The following DNAJC13 variants were observed in gnomAD, a reference collection of about 807,000 sequenced individuals.
The protein encoded by DNAJC13 is dnaJ homolog subfamily C member 13.
In DNAJC13, 75 loss-of-function variants were observed where a neutral mutation model predicts 290.5. That is an observed-to-expected ratio of 0.26 (90% CI 0.21 to 0.31). The LOEUF (loss-of-function observed/expected upper bound fraction) is 0.31. DNAJC13 is among the 10% of genes least tolerant of loss of function. The pLI is 1.00. For missense variants in DNAJC13, 2,260 were observed against 2,674.5 expected (o/e 0.85, Z 3.42); for synonymous variants, 862 against 892.0 (o/e 0.97, Z 0.60).
chr3:132,525,974 A>G (rs887217146), intron 52 of DNAJC13, among the ~76,000 whole-genome samples, 167 bp from the exon 53 acceptor site: 2 of 152,232 alleles, frequency 1.3e-5, no homozygotes, highest in Non-Finnish European at 2.9e-5. Context: ...CAGTTTTGAT[A>G]AATACCAGTT....
Position 132,484,794 on chromosome 3 carries a change from T to C in DNAJC13, c.3267+122T>C. The C allele has an allele frequency of 3.4e-6, 3 of 885,210 alleles. No homozygotes were observed. The South Asian group carries it at 4.5e-5, about 13-fold the overall frequency. 54.8% of individuals were successfully genotyped at this position (885,210 alleles called of 1,614,324 possible). Reference sequence around the variant, plus strand: ...TTTCAAAAAGCCTAAATAGGCCAGGTGTGGAGTCTCACACCTCCAATCCCA... The same window carrying C: ...TTTCAAAAAGCCTAAATAGGCCAGGCGTGGAGTCTCACACCTCCAATCCCA... On this transcript the variant is annotated intron_variant, in intron 29 of 55. Coordinates refer to ENST00000260818, the MANE Select transcript of DNAJC13 (RefSeq NM_015268.4).
chr3:132,520,785 T>C (rs1181066918), intron 48 of DNAJC13, among the ~76,000 whole-genome samples: 2 of 152,216 alleles, frequency 1.3e-5, no homozygotes, highest in African/African-American at 4.8e-5. Flanking sequence ...AAATAAGACA[T>C]TTGAAATTCA....
intron 51 of DNAJC13, among the ~76,000 whole-genome samples, chr3:132,524,777 C>T (rs901467823): frequency 1.3e-5 from 2 of 152,170 alleles, no homozygotes; most frequent in African/African-American, 4.8e-5. Context: ...TTTTTGGACA[C>T]ATTCCAATTT....
chr3:132,422,970 A>C (rs1343609687), intron 1 of DNAJC13, among the ~76,000 whole-genome samples: 1 of 152,214 alleles, frequency 6.6e-6, no homozygotes, highest in African/African-American at 2.4e-5. Flanking sequence ...AGAGTTTGAT[A>C]TTTTGATTAT....
rs752473594 is a variant in DNAJC13 at position 132,499,224 on chromosome 3, T to A, written c.4255T>A (p.Leu1419Met). ...CCTTTTCTCAAAAGAATCACCATTG[T>A]TGCCTGCGGCTACAGAGCTAGCTTT... ...DLLFSKESPL[L>M]PAATELAFHT... The change falls in exon 37 of 56, where the codon TTG (leucine) becomes ATG (methionine). Residue 1419 changes from leucine (L) to methionine (M), a missense_variant. Around this residue, in one of 3 missense-constraint regions of DNAJC13, gnomAD observed 1,494 missense variants for 1,693.7 expected, o/e 0.88. Transcript: ENST00000260818. The A allele has an allele frequency of 1.9e-6, 3 of 1,614,180 alleles. No homozygotes were observed. The highest frequency in any genetic ancestry group is 8.5e-7 in the Non-Finnish European group (1 of 1,179,998).
chr3:132,513,859 A>G (rs1935846584), intron 45 of DNAJC13, among the ~76,000 whole-genome samples: 2 of 152,182 alleles, frequency 1.3e-5, no homozygotes, highest in South Asian at 2.1e-4. Flanking sequence ...GTTTATTGCA[A>G]AGAACACCAA....
chr3:132,514,620 A>G lies in DNAJC13; in HGVS notation c.5435A>G (p.Glu1812Gly), dbSNP rs748805860. The G allele has an allele frequency of 1.2e-6, 2 of 1,612,170 alleles. No homozygotes were observed. Among genetic ancestry groups the G allele is most frequent in the East Asian group, 4.5e-5 (2 of 44,750 alleles). Residue 1812 changes from glutamate to glycine, a missense_variant, in exon 46 of 56, where the codon GAA (glutamate) becomes GGA (glycine). By Grantham distance (98) the Glu-to-Gly change is moderately conservative (BLOSUM62 -2). Transcript: ENST00000260818. The stretch of plus-strand genomic sequence containing the variant: ...CAAGACTGTGTCAACAATATTGCTG[A>G]ATCAATGGTTTTGTCCAGTTTATTG... Reference protein sequence around the residue: ...SNQDCVNNIAESMVLSSLLAL... With the variant: ...SNQDCVNNIAGSMVLSSLLAL...
At chr3:132,505,165 T>A (rs561226495) in intron 41 of DNAJC13, 137 bp from the exon 42 acceptor site, 1 of 565,304 alleles carries the variant, frequency 1.8e-6, no homozygotes, top group South Asian at 2.5e-5. Flanking sequence ...TTAGAATTAT[T>A]GAGATACTTA....
At chr3:132,428,790 A>G (rs1939170246) in intron 1 of DNAJC13, among the ~76,000 whole-genome samples, 1 of 152,224 alleles carries the variant, frequency 6.6e-6, no homozygotes, top group Non-Finnish European at 1.5e-5. Flanking sequence ...GATGGAGCGC[A>G]GTGGTGCCAT....
rs530036442 is a variant in DNAJC13, at chr3:132,450,792, A to C, written c.482A>C (p.Asp161Ala). The C allele has an allele frequency of 1.2e-6, 2 of 1,606,804 alleles. No individual in the cohort carries two copies. Among genetic ancestry groups the C allele is most frequent in the African/African-American group, 2.7e-5 (2 of 74,840 alleles). Residue 161 changes from aspartate to alanine, a missense_variant, in exon 6 of 56, where the codon GAT (aspartate) becomes GCT (alanine). Around this residue, in one of 3 missense-constraint regions of DNAJC13, gnomAD observed 762 missense variants for 964.1 expected, o/e 0.79. Coordinates refer to ENST00000260818, the MANE Select transcript of DNAJC13 (RefSeq NM_015268.4). The stretch of plus-strand genomic sequence containing the variant: ...TATAGAAATATTGAAGGATTTGTAG[A>C]TCTCTCAGATTATCAAGGAGGATTT... ...YDYRNIEGFV[D>A]LSDYQGGFCI...
chr3:132,515,512 G>A (rs1273027763), intron 46 of DNAJC13, among the ~76,000 whole-genome samples: 1 of 151,848 alleles, frequency 6.6e-6, no homozygotes, highest in Admixed American at 6.6e-5. Flanking sequence ...GTCATTTGCA[G>A]ATTGTTTTTA....
At chr3:132,527,048 C>T (rs9825750) in intron 53 of DNAJC13, among the ~76,000 whole-genome samples, 89,758 of 151,960 alleles carry the variant, frequency 0.59, 28,801 homozygotes, top group East Asian at 0.87. Context: ...TTGACTATAG[C>T]TAATAATACA....
chr3:132,472,432 C>A, intron 20 of DNAJC13: 2 of 411,308 alleles, frequency 4.9e-6, no homozygotes, highest in Non-Finnish European at 6.5e-6. Context: ...GAAGCAGGTG[C>A]ACCTATTTTA....
At chr3:132,427,076 T>C in intron 1 of DNAJC13, among the ~76,000 whole-genome samples, 1 of 24,312 alleles carries the variant, frequency 4.1e-5, no homozygotes. Context: ...TATATACATA[T>C]GTGTGTGTGT....
chr3:132,490,834 A>C (rs1411065698), intron 31 of DNAJC13, 63 bp from the exon 32 acceptor site: 2 of 1,385,602 alleles, frequency 1.4e-6, no homozygotes, highest in Admixed American at 5.9e-5. Context: ...TAAATCATTT[A>C]TTAGAAAATT....
At chr3:132,474,553 T>C (rs1934398677) in intron 21 of DNAJC13, among the ~76,000 whole-genome samples, 1 of 152,102 alleles carries the variant, frequency 6.6e-6, no homozygotes, top group African/African-American at 2.4e-5. Context: ...AGAATTGTTT[T>C]CTGACTGAAA....
At chr3:132,466,479 T>G (rs1933990119) in intron 19 of DNAJC13, 85 bp downstream of exon 19, 1 of 1,163,676 alleles carries the variant, frequency 8.6e-7, no homozygotes, top group African/African-American at 1.6e-5. Context: ...CGTTAAAAAT[T>G]TTAGAAACAA....
chr3:132,531,002 A>G lies in DNAJC13; in HGVS notation c.6530A>G (p.Asn2177Ser). The G allele has an allele frequency of 6.2e-7, 1 of 1,613,784 alleles. No individual in the cohort carries two copies. The change falls in exon 55 of 56, where the codon AAT becomes AGT. Residue 2177 changes from asparagine to serine, a missense_variant. Coordinates refer to ENST00000260818, the MANE Select transcript of DNAJC13 (RefSeq NM_015268.4). ...TRSLQYGEQV[N>S]EILCRSSVWS... ...GGGCTTGTTTTACTTTCCTAGGTGAATGAAATCCTGTGCCGTTCTTCAGTC... is the reference window on the plus strand; with the variant it reads ...GGGCTTGTTTTACTTTCCTAGGTGAGTGAAATCCTGTGCCGTTCTTCAGTC...
Position 132,434,841 on chromosome 3 carries a change from G to A in DNAJC13, c.68+223G>A, listed in dbSNP as rs1300403919. ...GGAAGGAGTTTGGTAAGAATTAAAA[G>A]TGACAGTTAAAAGGAAAGTAAACCA... On this transcript the variant is annotated intron_variant, in intron 2 of 55. Coordinates refer to ENST00000260818, the MANE Select transcript of DNAJC13 (RefSeq NM_015268.4). 2.6e-5 allele frequency among the ~76,000 whole-genome samples: 4 copies of A among 152,198 alleles called. No homozygotes were observed. In the East Asian group the frequency reaches 7.7e-4, roughly 29 times the overall value.
Sources: gnomAD v4.1 joint callset for allele counts (sites outside exome capture counted in the v4.1 genomes callset) on GRCh38, gnomAD v4.1.1 for gene constraint, gnomAD v4.1.1 regional missense constraint, MANE v1.5 for transcripts, NCBI Gene and HGNC (gene_info 2026-07-23, HGNC 2026-07-21) for gene names.